Variants in FARS2 observed in about 807,000 individuals in gnomAD.
FARS2 encodes phenylalanyl-tRNA synthetase 2, mitochondrial, also known as phenylalanine--tRNA ligase, mitochondrial.
FARS2 carries 40 observed loss-of-function variants against 46.4 expected under a neutral mutation model. That is an observed-to-expected ratio of 0.86 (90% confidence interval 0.67 to 1.12). FARS2 has a LOEUF of 1.12. Ranked by LOEUF, FARS2 falls within the 50% of genes most tolerant of loss-of-function variation. The pLI is 0.00. For missense variants in FARS2, 513 were observed against 567.9 expected (o/e 0.90, Z 0.98); for synonymous variants, 234 against 214.9 (o/e 1.09, Z -0.78).
intron 1 of FARS2, among the ~76,000 whole-genome samples, chr6:5,289,286 C>G (rs1295418099): frequency 6.6e-6 from 1 of 152,124 alleles, no homozygotes; most frequent in Non-Finnish European, 1.5e-5. Flanking sequence ...GTTTATTTGC[C>G]AAATCAGGCA....
intron 1 of FARS2, among the ~76,000 whole-genome samples, chr6:5,266,241 G>A (rs1443008425): frequency 6.6e-6 from 1 of 152,226 alleles, no homozygotes; most frequent in Non-Finnish European, 1.5e-5. Flanking sequence ...ATGAGGGTGA[G>A]AACGGGGAGA....
chr6:5,331,836 G>C (rs1770819138), intron 1 of FARS2, among the ~76,000 whole-genome samples: 1 of 152,130 alleles, frequency 6.6e-6, no homozygotes, highest in South Asian at 2.1e-4. Flanking sequence ...TTTTACCCCT[G>C]AACCTACTGC....
At chr6:5,753,717 A>C (rs1762067008) in intron 6 of FARS2, among the ~76,000 whole-genome samples, 1 of 152,202 alleles carries the variant, frequency 6.6e-6, no homozygotes, top group Non-Finnish European at 1.5e-5. Context: ...TGATTTTTAA[A>C]AGACAAAACC....
In FARS2 at chr6:5,291,881, A is replaced by T. The variant is rs376646630; in HGVS notation, c.-22+30221A>T. Among the ~76,000 whole-genome samples, 27 of 152,368 alleles carry T rather than the reference A, an allele frequency of 1.8e-4. No homozygotes were observed. In the South Asian group the frequency reaches 5.2e-3, roughly 29 times the overall value. On this transcript the variant is annotated intron_variant, in intron 1 of 6. Coordinates refer to ENST00000274680, the MANE Select transcript of FARS2 (RefSeq NM_006567.5). Reference sequence around the variant, plus strand: ...TGTTGTATATACAAAGTCTAATAAGATATACTATTTTATTACTCCAAAGAG... The same window carrying T: ...TGTTGTATATACAAAGTCTAATAAGTTATACTATTTTATTACTCCAAAGAG...
intron 4 of FARS2, among the ~76,000 whole-genome samples, chr6:5,514,358 C>T (rs1358085894): frequency 6.6e-6 from 1 of 152,098 alleles, no homozygotes; most frequent in Non-Finnish European, 1.5e-5. Flanking sequence ...TGTGGGTAGC[C>T]TTGTCTTGCA....
chr6:5,705,817 T>C (rs1758720845), intron 6 of FARS2, among the ~76,000 whole-genome samples: 1 of 152,120 alleles, frequency 6.6e-6, no homozygotes, highest in African/African-American at 2.4e-5. Flanking sequence ...TGCCCATCTT[T>C]CCTTGCCCAT....
At chr6:5,594,691 G>T (rs1246489467) in intron 5 of FARS2, among the ~76,000 whole-genome samples, 2 of 152,140 alleles carry the variant, frequency 1.3e-5, no homozygotes, top group Non-Finnish European at 2.9e-5. Context: ...CAGAGCTAAG[G>T]CCCAGACCCC....
At chr6:5,670,355 C>T (rs1582718564) in intron 6 of FARS2, among the ~76,000 whole-genome samples, 1 of 152,180 alleles carries the variant, frequency 6.6e-6, no homozygotes, top group African/African-American at 2.4e-5. Context: ...AAATCATTTA[C>T]TTACTAAACA....
At chr6:5,723,918 C>G (rs765302608) in intron 6 of FARS2, among the ~76,000 whole-genome samples, 2 of 152,150 alleles carry the variant, frequency 1.3e-5, no homozygotes, top group Non-Finnish European at 2.9e-5. Context: ...AGGGGCCCAG[C>G]TAGTAACAGG....
At chr6:5,263,115 C>T (rs1181024844) in intron 1 of FARS2, among the ~76,000 whole-genome samples, 1 of 152,102 alleles carries the variant, frequency 6.6e-6, no homozygotes, top group Non-Finnish European at 1.5e-5. Flanking sequence ...TTAAAAATAG[C>T]AAAGATTACA....
In FARS2 at chr6:5,727,486, C is replaced by T. The variant is rs909492560; in HGVS notation, c.1218-43805C>T. On this transcript the variant is annotated intron_variant, in intron 6 of 6. Coordinates refer to ENST00000274680, the MANE Select transcript of FARS2 (RefSeq NM_006567.5). This position sits in a 1 kb window ranked among gnomAD's most constrained non-coding sequence, Gnocchi z 4.1. ...CTGTTTAAATAAAATGCCACGCTAG[C>T]GGGTTTCGGGTAACTGAAGAAAGTG... Among the ~76,000 whole-genome samples, 3 of 152,190 alleles carry T rather than the reference C, an allele frequency of 2.0e-5. No homozygotes were observed. The highest frequency in any genetic ancestry group is 2.9e-5 in the Non-Finnish European group (2 of 68,036).
At chr6:5,706,406 GT>G (rs143733215) in intron 6 of FARS2, among the ~76,000 whole-genome samples, 1,621 of 152,264 alleles carry the variant, frequency 0.011, 29 homozygotes, top group African/African-American at 0.036. Flanking sequence ...TAGTATGCTC[GT>G]GGTCAGTAGT....
intron 5 of FARS2, among the ~76,000 whole-genome samples, chr6:5,553,026 T>C (rs914359582): frequency 2.6e-5 from 4 of 152,210 alleles, no homozygotes; most frequent in Admixed American, 6.5e-5. Flanking sequence ...TTATTGAAAA[T>C]TACTCAACAT....
intron 6 of FARS2, among the ~76,000 whole-genome samples, chr6:5,659,006 G>A (rs1018022537): frequency 6.6e-6 from 1 of 152,186 alleles, no homozygotes; most frequent in Non-Finnish European, 1.5e-5. Flanking sequence ...TATGTATTGG[G>A]AGACTTTGAT....
chr6:5,301,511 C>T (rs918391988), intron 1 of FARS2, among the ~76,000 whole-genome samples: 4 of 152,140 alleles, frequency 2.6e-5, no homozygotes, highest in African/African-American at 9.7e-5. Context: ...GCCTAGCCCA[C>T]TGTTTTGCAG....
chr6:5,341,235 A>AT lies in FARS2; in HGVS notation c.-21-27293dup, dbSNP rs70974193. ...TATATATATATATATATATATATAT[A>AT]TTTTTTTTTTTTTTTTTTTTTTCCC... On this transcript the variant is annotated intron_variant, in intron 1 of 6. Transcript: ENST00000274680. Among the ~76,000 whole-genome samples the AT allele has an allele frequency of 1.8e-3, 18 of 10,270 alleles. 1 individual carries two copies. Among genetic ancestry groups the AT allele is most frequent in the South Asian group, 5.5e-3 (1 of 182 alleles). The allele number at this position is 10,270 out of a possible 152,430, so 6.7% of individuals were successfully genotyped here.
chr6:5,493,191 A>G (rs1400540308), intron 4 of FARS2, among the ~76,000 whole-genome samples: 3 of 149,818 alleles, frequency 2.0e-5, no homozygotes, highest in Non-Finnish European at 4.4e-5. Context: ...CCTGGGTGAC[A>G]AGAGGGAGAC....
At chr6:5,511,280 A>G (rs1582313157) in intron 4 of FARS2, among the ~76,000 whole-genome samples, 1 of 152,198 alleles carries the variant, frequency 6.6e-6, no homozygotes, top group East Asian at 1.9e-4. Context: ...GAAGGAAAGC[A>G]TTTGTGCTGT....
At chr6:5,722,048 TTC>T (rs1344094819) in intron 6 of FARS2, among the ~76,000 whole-genome samples, 1 of 152,224 alleles carries the variant, frequency 6.6e-6, no homozygotes, top group Non-Finnish European at 1.5e-5. Context: ...GTTTTAAATA[TTC>T]TCTTTTTTTC....
Sources: allele counts gnomAD v4.1 joint callset (sites outside exome capture counted in the v4.1 genomes callset), GRCh38; gene constraint gnomAD v4.1.1; non-coding constraint Gnocchi (gnomAD v3.1); transcripts MANE v1.5; gene names NCBI Gene and HGNC (gene_info 2026-07-23, HGNC 2026-07-21).